ARSL: variants seen among roughly 807,000 people sequenced by gnomAD.
The protein encoded by ARSL is arylsulfatase L.
In ARSL, 4 loss-of-function variants were observed where a neutral mutation model predicts 31.1. The observed-to-expected ratio is 0.13, with a 90% CI of 0.06 to 0.29. The LOEUF is 0.29. Ranked by LOEUF, ARSL falls within the 10% of genes least tolerant of loss-of-function variation. ARSL has a pLI of 1.00. For missense variants in ARSL, 312 were observed against 497.8 expected (o/e 0.63, Z 3.55); for synonymous variants, 198 against 209.9 (o/e 0.94, Z 0.49).
At position 2,934,560 on chromosome X, in the gene ARSL, C is replaced by T. The variant is rs1301439615; in HGVS notation, c.*272G>A. 7.0e-4 allele frequency: 234 copies of T among 334,363 alleles called. No homozygotes were observed. The highest frequency in any genetic ancestry group is 1.6e-3 in the Middle Eastern group (2 of 1,238). 27.6% of individuals were successfully genotyped at this position (334,363 alleles called of 1,213,427 possible). On this transcript the variant is annotated 3_prime_UTR_variant, in exon 11 of 11. Coordinates refer to ENST00000381134, the MANE Select transcript of ARSL (RefSeq NM_000047.3). Reference sequence around the variant, plus strand: ...GTACAATCATAGCTCAGTACAGCCTCCAACTCCGGTGCTCAAATGATCCTC... The same window carrying T: ...GTACAATCATAGCTCAGTACAGCCTTCAACTCCGGTGCTCAAATGATCCTC...
upstream of ARSL, among the ~76,000 whole-genome samples, chrX:2,967,530 T>C (rs1174975164): frequency 1.8e-5 from 2 of 111,693 alleles, no homozygotes; most frequent in Admixed American, 9.6e-5. Context: ...GAAGATCACT[T>C]GAGGCCAGGA....
At chrX:2,945,925 C>G in intron 7 of ARSL, 73 bp downstream of exon 7, 1 of 1,176,814 alleles carries the variant, frequency 8.5e-7, no homozygotes, top group Non-Finnish European at 1.2e-6. Context: ...CTTTAACCTT[C>G]TCATTCTTTG....
intron 8 of ARSL, among the ~76,000 whole-genome samples, chrX:2,942,081 A>G (rs913199781): frequency 3.6e-5 from 4 of 111,625 alleles, no homozygotes; most frequent in Non-Finnish European, 7.5e-5. Flanking sequence ...GGATGTCACA[A>G]AAGCCCCCCA....
intron 1 of ARSL, among the ~76,000 whole-genome samples, chrX:2,961,117 T>C (rs925179761): frequency 4.5e-5 from 5 of 111,028 alleles, no homozygotes; most frequent in African/African-American, 1.6e-4. Flanking sequence ...GCATTCGCCT[T>C]CATTGCTAGG....
Position 2,949,490 on chromosome X carries a change from G to A in ARSL, c.668C>T (p.Ser223Leu), listed in dbSNP as rs752659017. The A allele has an allele frequency of 5.0e-6, 6 of 1,211,420 alleles. No individual in the cohort carries two copies. Among genetic ancestry groups the A allele is most frequent in the Non-Finnish European group, 6.7e-6 (6 of 895,474 alleles). Reference sequence around the variant, plus strand: ...GGCTGACCAGATGACCGGCATCCACGAGACGGGTATCAGGTGTGTGAGCTT... The same window carrying A: ...GGCTGACCAGATGACCGGCATCCACAAGACGGGTATCAGGTGTGTGAGCTT... ...AGKLTHLIPV[S>L]WMPVIWSALS... Residue 223 changes from serine (S) to leucine (L), a missense_variant, in exon 6 of 11, where the codon TCG (serine) becomes TTG (leucine). Coordinates refer to ENST00000381134, the MANE Select transcript of ARSL (RefSeq NM_000047.3).
chrX:2,937,023 G>A (rs2089211541), intron 9 of ARSL, among the ~76,000 whole-genome samples, 160 bp from the exon 10 acceptor site: 1 of 112,435 alleles, frequency 8.9e-6, no homozygotes, highest in East Asian at 2.8e-4. Context: ...GAAGGCATGT[G>A]TGTGCATTAG....
chrX:2,968,103 GT>G (rs779646168), upstream of ARSL: 1,548 of 1,151,598 alleles, frequency 1.3e-3, 14 homozygotes, highest in African/African-American at 0.024. Flanking sequence ...GTCTCTGCAC[GT>G]GCAAAAGCCG....
upstream of ARSL, among the ~76,000 whole-genome samples, chrX:2,965,720 G>A (rs749082565): frequency 4.8e-4 from 53 of 111,093 alleles, no homozygotes; most frequent in South Asian, 1.9e-3. Context: ...GGCCAACATG[G>A]CAAAACCCCG....
chrX:2,936,635 T>C (rs987176033), intron 10 of ARSL, 107 bp downstream of exon 10: 1 of 1,068,720 alleles, frequency 9.4e-7, no homozygotes, highest in African/African-American at 1.9e-5. Flanking sequence ...GACATGGAGA[T>C]GGACTCTGGA....
intron 7 of ARSL, among the ~76,000 whole-genome samples, chrX:2,944,361 G>A (rs1171310710): frequency 9.2e-6 from 1 of 108,301 alleles, no homozygotes; most frequent in Non-Finnish European, 1.9e-5. Context: ...GGCTGAGGCA[G>A]GAGAATTGCT....
intron 7 of ARSL, among the ~76,000 whole-genome samples, chrX:2,943,874 A>C (rs2089319374): frequency 9.1e-6 from 1 of 109,636 alleles, no homozygotes; most frequent in African/African-American, 3.3e-5. Flanking sequence ...AAGGGAACTC[A>C]TGTCATTAAT....
At chrX:2,963,374 G>A (rs1036992795) in intron 1 of ARSL, among the ~76,000 whole-genome samples, 25 of 110,366 alleles carry the variant, frequency 2.3e-4, no homozygotes, top group African/African-American at 7.2e-4. Context: ...GTCAGAAAAC[G>A]GAATAAAAGC....
chrX:2,953,415 T>G (rs766410931), intron 4 of ARSL, 150 bp from the exon 5 acceptor site: 570 of 655,181 alleles, frequency 8.7e-4, no homozygotes, highest in Non-Finnish European at 1.1e-3. Flanking sequence ...CTTTGCCTAG[T>G]GGATTGCATT....
At chrX:2,944,226 C>T (rs12392879) in intron 7 of ARSL, among the ~76,000 whole-genome samples, 4,718 of 108,450 alleles carry the variant, frequency 0.044, 228 homozygotes, top group African/African-American at 0.14. Flanking sequence ...GAGGCTGAGG[C>T]GGGCGGATCA....
chrX:2,941,710 G>A (rs993072793), intron 8 of ARSL, among the ~76,000 whole-genome samples: 1 of 112,034 alleles, frequency 8.9e-6, no homozygotes, highest in Non-Finnish European at 1.9e-5. Flanking sequence ...AAACCAATGT[G>A]TCTCTTAAAT....
chrX:2,940,891 G>A (rs1374122734), intron 8 of ARSL, among the ~76,000 whole-genome samples: 4 of 111,773 alleles, frequency 3.6e-5, no homozygotes, highest in African/African-American at 9.8e-5. Context: ...AGCCAAGATC[G>A]TACCACTGTA....
In ARSL at chrX:2,956,860, C is replaced by A. The variant is rs773212377; in HGVS notation, c.186-1323G>T. On this transcript the variant is annotated intron_variant, in intron 3 of 10. Transcript: ENST00000381134. ...CCTGGGCTCAAGTGATCCTCCCACA[C>A]CTCACCCTCTTGAATAACTAGGATT... 5.0e-4 allele frequency among the ~76,000 whole-genome samples: 55 copies of A among 110,683 alleles called. 1 individual carries two copies. The highest frequency in any genetic ancestry group is 7.7e-4 in the Admixed American group (8 of 10,361).
At chrX:2,958,116 G>C (rs1456770138) in intron 3 of ARSL, among the ~76,000 whole-genome samples, 158 bp downstream of exon 3, 1 of 112,416 alleles carries the variant, frequency 8.9e-6, no homozygotes, top group African/African-American at 3.2e-5. Context: ...GTGCTGGCAT[G>C]GGAAGAAAGT....
chrX:2,962,014 A>G (rs2089645323), intron 1 of ARSL, among the ~76,000 whole-genome samples: 1 of 110,365 alleles, frequency 9.1e-6, no homozygotes, highest in South Asian at 3.9e-4. Context: ...CTAGGATCCC[A>G]GGTCTTTAGA....
Sources: gnomAD v4.1 joint callset for allele counts (sites outside exome capture counted in the v4.1 genomes callset) on GRCh38, gnomAD v4.1.1 for gene constraint, MANE v1.5 for transcripts, NCBI Gene and HGNC (gene_info 2026-07-23, HGNC 2026-07-21) for gene names.